CXXC4: variants seen among roughly 807,000 people sequenced by gnomAD.
The protein encoded by CXXC4 is CXXC finger protein 4.
CXXC4 carries 5 observed loss-of-function variants against 20.5 expected under a neutral mutation model. The ratio of observed to expected loss-of-function variants is 0.24; its 90% CI spans 0.13 to 0.51. The LOEUF is 0.51. Ranked by LOEUF, CXXC4 falls within the 20% of genes least tolerant of loss-of-function variation. The pLI is 0.97. For synonymous variants in CXXC4, 250 were observed against 216.4 expected (o/e 1.16, Z -1.36); for missense variants, 419 against 496.4 (o/e 0.84, Z 1.48).
chr4:104,491,884 G>C lies in CXXC4; in HGVS notation c.-82C>G, dbSNP rs1444990951. On this transcript the variant is annotated 5_prime_UTR_variant, in exon 2 of 3. Coordinates refer to ENST00000394767, the MANE Select transcript of CXXC4 (RefSeq NM_025212.4). ...CCTGGGTGGAAAAGGGGGAAAGGTG[G>C]GGGGGAGGGAAGGGAGTGATGGTGG... 1.4e-5 allele frequency: 5 copies of C among 354,470 alleles called. 1 individual carries two copies. The highest frequency in any genetic ancestry group is 2.0e-5 in the Non-Finnish European group (5 of 251,312). 22.0% of individuals were successfully genotyped at this position (354,470 alleles called of 1,614,324 possible). A position where few individuals can be genotyped will look rare whatever the true frequency, so the allele number is the denominator to read the frequency against.
At chr4:104,477,828 T>A (rs1736453831) in intron 2 of CXXC4, among the ~76,000 whole-genome samples, 1 of 152,126 alleles carries the variant, frequency 6.6e-6, no homozygotes, top group Non-Finnish European at 1.5e-5. Flanking sequence ...ATCCATATTA[T>A]GTCTGTAATG....
chr4:104,485,939 A>G (rs1039347212), intron 2 of CXXC4, among the ~76,000 whole-genome samples: 11 of 152,130 alleles, frequency 7.2e-5, no homozygotes, highest in African/African-American at 2.7e-4. Flanking sequence ...TAAGAACTTG[A>G]AAAGCCACAC....
chr4:104,493,567 C>G (rs955398070), intron 1 of CXXC4, among the ~76,000 whole-genome samples: 1 of 152,122 alleles, frequency 6.6e-6, no homozygotes, highest in Non-Finnish European at 1.5e-5. Context: ...CCCTATTAGG[C>G]AAAGTAAATC....
At position 104,470,653 on chromosome 4, in the gene CXXC4, C is replaced by T. The variant is rs1430141637; in HGVS notation, c.*1669G>A. 2 of 151,978 alleles carry T rather than the reference C, an allele frequency of 1.3e-5. No homozygotes were observed. The highest frequency in any genetic ancestry group is 2.9e-5 in the Non-Finnish European group (2 of 67,954). 9.4% of individuals were successfully genotyped at this position (151,978 alleles called of 1,614,324 possible). On this transcript the variant is annotated 3_prime_UTR_variant, in exon 3 of 3. Coordinates refer to ENST00000394767, the MANE Select transcript of CXXC4 (RefSeq NM_025212.4). The stretch of plus-strand genomic sequence containing the variant: ...TCTCTTCTCAAATTATCTTTCTTCT[C>T]GTGATTTACTTTGCTAACATTTTTC...
At position 104,472,267 on chromosome 4, in the gene CXXC4, G is replaced by A; in HGVS notation, c.*55C>T. On this transcript the variant is annotated 3_prime_UTR_variant, in exon 3 of 3. Transcript: ENST00000394767. Reference sequence around the variant, plus strand: ...TGGACTAAGCAGTTTCTTAAAACAAGACATTAGTTTGCCCTTCATTTCCAA... The same window carrying A: ...TGGACTAAGCAGTTTCTTAAAACAAAACATTAGTTTGCCCTTCATTTCCAA... 1.7e-6 allele frequency: 2 copies of A among 1,159,962 alleles called. No homozygotes were observed. The highest frequency in any genetic ancestry group is 4.2e-5 in the Admixed American group (2 of 47,936). The allele number at this position is 1,159,962 out of a possible 1,614,324, so 71.9% of individuals were successfully genotyped here.
At chr4:104,486,672 G>A (rs1472023582) in intron 2 of CXXC4, among the ~76,000 whole-genome samples, 6 of 152,002 alleles carry the variant, frequency 3.9e-5, no homozygotes, top group African/African-American at 1.2e-4. Context: ...AAAAACTGGT[G>A]GATGTTTCCA....
intron 2 of CXXC4, among the ~76,000 whole-genome samples, chr4:104,485,341 T>TA (rs1373541021): frequency 1.3e-5 from 2 of 152,116 alleles, no homozygotes; most frequent in African/African-American, 4.8e-5. Context: ...GTATTTAACT[T>TA]ATGACTTTAA....
chr4:104,487,659 G>C (rs1736732700), intron 2 of CXXC4, among the ~76,000 whole-genome samples: 1 of 152,178 alleles, frequency 6.6e-6, no homozygotes, highest in Admixed American at 6.5e-5. Flanking sequence ...AAGGGGCAGA[G>C]AGCATTTGTA....
chr4:104,481,985 A>G (rs376525348), intron 2 of CXXC4, among the ~76,000 whole-genome samples: 1 of 152,224 alleles, frequency 6.6e-6, no homozygotes, highest in African/African-American at 2.4e-5. Context: ...TTGCTAGATT[A>G]ATGTTTTTCA....
intron 2 of CXXC4, among the ~76,000 whole-genome samples, chr4:104,483,505 TA>T (rs1361152628): frequency 6.6e-6 from 1 of 151,912 alleles, no homozygotes; most frequent in African/African-American, 2.4e-5. Flanking sequence ...CTGTTTTTAG[TA>T]AAAAACAGAA....
chr4:104,479,435 C>T (rs1438477882), intron 2 of CXXC4, among the ~76,000 whole-genome samples: 2 of 151,956 alleles, frequency 1.3e-5, no homozygotes, highest in Non-Finnish European at 2.9e-5. Context: ...TTCTTAATTA[C>T]ATAAAAGTGA....
chr4:104,486,746 A>G (rs1402513801), intron 2 of CXXC4, among the ~76,000 whole-genome samples: 1 of 152,156 alleles, frequency 6.6e-6, no homozygotes, highest in Non-Finnish European at 1.5e-5. Flanking sequence ...TCAGAAATGT[A>G]TATGTTCAAT....
chr4:104,469,856 T>A lies in CXXC4; in HGVS notation c.*2466A>T, dbSNP rs780918967. The A allele has an allele frequency of 2.6e-5, 4 of 151,986 alleles. No individual in the cohort carries two copies. Among genetic ancestry groups the A allele is most frequent in the Admixed American group, 6.6e-5 (1 of 15,200 alleles). The allele number at this position is 151,986 out of a possible 1,614,324, so 9.4% of individuals were successfully genotyped here. ...ATTTTCTTTCATTAAAAAAATGAAT[T>A]GACATGTAAAACACCACAGTTTACA... On this transcript the variant is annotated 3_prime_UTR_variant, in exon 3 of 3. Transcript: ENST00000394767.
intron 1 of CXXC4, among the ~76,000 whole-genome samples, chr4:104,493,816 G>A (rs1038530792): frequency 3.9e-5 from 6 of 152,200 alleles, no homozygotes; most frequent in African/African-American, 7.2e-5. Context: ...CAGTTTCTGC[G>A]AATCACATTG....
intron 2 of CXXC4, among the ~76,000 whole-genome samples, chr4:104,474,090 A>C (rs890590901): frequency 3.3e-5 from 5 of 152,018 alleles, no homozygotes; most frequent in Non-Finnish European, 7.4e-5. Context: ...GTTGAGAACA[A>C]ATCATTGATA....
rs1379379793 is a variant in CXXC4, at chr4:104,491,509, G to A, written c.294C>T (p.Ala98=). 3.1e-6 allele frequency: 4 copies of A among 1,293,826 alleles called. No individual in the cohort carries two copies. In the African/African-American group the frequency reaches 4.8e-5, roughly 15 times the overall value. 80.1% of individuals were successfully genotyped at this position (1,293,826 alleles called of 1,614,324 possible). ...TGCCCCAGAGCATGGCGGTGGCGGCGGCGGCGGTGGCCGCGTTGTCGCAGT... is the reference window on the plus strand; with the variant it reads ...TGCCCCAGAGCATGGCGGTGGCGGCAGCGGCGGTGGCCGCGTTGTCGCAGT... ...PWNCDNAATA[A]AATAMLWGSG... Residue 98 remains alanine (A), a synonymous_variant, in exon 2 of 3, where the codon GCC becomes GCT. Transcript: ENST00000394767.
chr4:104,493,562 T>C (rs1467670179), intron 1 of CXXC4, among the ~76,000 whole-genome samples: 1 of 152,172 alleles, frequency 6.6e-6, no homozygotes, highest in Admixed American at 6.5e-5. Context: ...CAAATCCCTA[T>C]TAGGCAAAGT....
chr4:104,491,257 A>G lies in CXXC4; in HGVS notation c.546T>C (p.Ala182=). The change falls in exon 2 of 3, where the codon GCT becomes GCC. Residue 182 remains alanine, a synonymous_variant. Transcript: ENST00000394767. ...HRNDSQRLGK[A]GCPPEPSLQM... Reference sequence around the variant, plus strand: ...GCAACGACGGCTCTGGCGGGCAGCCAGCTTTCCCCAGCCTCTGGGAGTCGT... The same window carrying G: ...GCAACGACGGCTCTGGCGGGCAGCCGGCTTTCCCCAGCCTCTGGGAGTCGT... The G allele has an allele frequency of 1.2e-6, 2 of 1,612,296 alleles. No individual in the cohort carries two copies. Among genetic ancestry groups the G allele is most frequent in the Non-Finnish European group, 1.7e-6 (2 of 1,179,716 alleles).
chr4:104,490,646 G>A, intron 2 of CXXC4, 98 bp downstream of exon 2: 1 of 1,094,598 alleles, frequency 9.1e-7, no homozygotes, highest in Non-Finnish European at 1.3e-6. Flanking sequence ...TTCTGAGAAG[G>A]GGTACTGCAT....
Sources: gnomAD v4.1 joint callset for allele counts (sites outside exome capture counted in the v4.1 genomes callset) on GRCh38, gnomAD v4.1.1 for gene constraint, MANE v1.5 for transcripts, NCBI Gene and HGNC (gene_info 2026-07-23, HGNC 2026-07-21) for gene names.